The following FNDC3B variants were observed in gnomAD, a reference collection of about 807,000 sequenced individuals.
FNDC3B encodes the protein fibronectin type III domain-containing protein 3B.
In FNDC3B, 12 loss-of-function variants were observed where a neutral mutation model predicts 151.5. The ratio of observed to expected loss-of-function variants is 0.08; its 90% CI spans 0.05 to 0.13. The LOEUF (loss-of-function observed/expected upper bound fraction) is 0.13, where lower values mean the gene tolerates loss of function less well. FNDC3B is among the 10% of genes least tolerant of loss of function. The pLI is 1.00. For synonymous variants in FNDC3B, 528 were observed against 549.0 expected, an observed-to-expected ratio of 0.96 and a Z score of 0.54; for missense variants, 1,214 against 1,505.3, an observed-to-expected ratio of 0.81 and a Z score of 3.20.
At chr3:172,303,539 G>C (rs1248982658) in intron 9 of FNDC3B, among the ~76,000 whole-genome samples, 1 of 152,096 alleles carries the variant, frequency 6.6e-6, no homozygotes, top group Non-Finnish European at 1.5e-5. Flanking sequence ...CATTTAGCCA[G>C]GATTTAAGCT....
Position 172,388,217 on chromosome 3 carries a change from C to G in FNDC3B, c.3303+7124C>G, listed in dbSNP as rs542381134. Among the ~76,000 whole-genome samples, 7 of 152,248 alleles carry G rather than the reference C, an allele frequency of 4.6e-5. No homozygotes were observed. In the South Asian group the frequency reaches 1.5e-3, roughly 32 times the overall value. On this transcript the variant is annotated intron_variant, in intron 25 of 25. Coordinates refer to ENST00000415807, the MANE Select transcript of FNDC3B (RefSeq NM_022763.4). ...CTCCAGCAGCCGAGTATGCACTGTT[C>G]TCGCCACCCTTCCCAAAAAGCTCCC...
chr3:172,107,687 C>T (rs1184570600), intron 1 of FNDC3B, among the ~76,000 whole-genome samples: 7 of 152,122 alleles, frequency 4.6e-5, no homozygotes, highest in Non-Finnish European at 7.3e-5. Flanking sequence ...TGCTCAGCTA[C>T]CTTCACAGCT....
chr3:172,081,293 C>A (rs958379011), intron 1 of FNDC3B, among the ~76,000 whole-genome samples: 65 of 152,196 alleles, frequency 4.3e-4, no homozygotes, highest in Non-Finnish European at 3.4e-4. Context: ...AGAAATGTAA[C>A]CTTGGTGTCG....
chr3:172,072,767 T>C (rs1373451827), intron 1 of FNDC3B, among the ~76,000 whole-genome samples: 1 of 152,198 alleles, frequency 6.6e-6, no homozygotes, highest in Non-Finnish European at 1.5e-5. Flanking sequence ...ATCTTTCTCC[T>C]ACAGCCTGAT....
chr3:172,359,387 G>C (rs938084265), intron 22 of FNDC3B, among the ~76,000 whole-genome samples: 2 of 152,088 alleles, frequency 1.3e-5, no homozygotes, highest in African/African-American at 4.8e-5. Context: ...GGATCACCTA[G>C]AATACAAGGT....
intron 11 of FNDC3B, among the ~76,000 whole-genome samples, chr3:172,323,687 G>A (rs908433457): frequency 2.0e-5 from 3 of 152,136 alleles, no homozygotes; most frequent in Non-Finnish European, 4.4e-5. Context: ...TACTCTCCAA[G>A]CTCCCTTCTC....
Position 172,161,622 on chromosome 3 carries a change from C to T in FNDC3B, c.187+28076C>T, listed in dbSNP as rs567793647. Among the ~76,000 whole-genome samples, 9 of 152,320 alleles carry T rather than the reference C, an allele frequency of 5.9e-5. No homozygotes were observed. The South Asian group carries it at 1.0e-3, about 18-fold the overall frequency. On this transcript the variant is annotated intron_variant, in intron 3 of 25. Transcript: ENST00000415807. ...TCACTGGACACATGCGTGTATTTAC[C>T]GAAGCCTGACAATGTCTGACACTGT...
intron 3 of FNDC3B, among the ~76,000 whole-genome samples, chr3:172,150,763 T>C (rs138856392): frequency 4.6e-5 from 7 of 152,256 alleles, no homozygotes; most frequent in Non-Finnish European, 7.4e-5. Flanking sequence ...AGTAAGTGTA[T>C]ATATTTATGG....
chr3:172,064,543 G>T (rs546206309), intron 1 of FNDC3B, among the ~76,000 whole-genome samples: 2 of 152,270 alleles, frequency 1.3e-5, no homozygotes, highest in East Asian at 3.9e-4. Flanking sequence ...TTTTCAGGTT[G>T]TTCAGTTTTA....
intron 3 of FNDC3B, among the ~76,000 whole-genome samples, chr3:172,180,052 TTTCTC>T (rs929565877): frequency 2.6e-5 from 4 of 152,124 alleles, no homozygotes; most frequent in African/African-American, 9.7e-5. Context: ...CATACAAACA[TTTCTC>T]TTCTTCTCTT....
At chr3:172,148,406 C>G (rs1722027364) in intron 3 of FNDC3B, 1 of 152,032 alleles carries the variant, frequency 6.6e-6, no homozygotes, top group Non-Finnish European at 1.5e-5. Flanking sequence ...TGGAAGTTGG[C>G]TTCATTTTGT....
At chr3:172,123,682 T>G (rs1190415102) in intron 2 of FNDC3B, among the ~76,000 whole-genome samples, 2 of 152,184 alleles carry the variant, frequency 1.3e-5, no homozygotes, top group Non-Finnish European at 2.9e-5. Context: ...ATGGATCTGT[T>G]TAGAACCCAT....
At chr3:172,170,632 G>A (rs1007833095) in intron 3 of FNDC3B, among the ~76,000 whole-genome samples, 2 of 152,166 alleles carry the variant, frequency 1.3e-5, no homozygotes, top group Admixed American at 6.5e-5. Context: ...TATGAAAGAG[G>A]CAAGCTACAA....
chr3:172,392,452 A>G (rs927718126), intron 25 of FNDC3B, among the ~76,000 whole-genome samples: 1 of 152,224 alleles, frequency 6.6e-6, no homozygotes, highest in Middle Eastern at 3.2e-3. Context: ...AAAATGAGGG[A>G]GGAATCTCTT....
At chr3:172,386,213 A>T (rs1378903329) in intron 25 of FNDC3B, among the ~76,000 whole-genome samples, 1 of 152,220 alleles carries the variant, frequency 6.6e-6, no homozygotes. Context: ...TTGTGTCTAT[A>T]TGCATGTGAC....
At chr3:172,074,639 A>G (rs773685570) in intron 1 of FNDC3B, among the ~76,000 whole-genome samples, 1 of 152,178 alleles carries the variant, frequency 6.6e-6, no homozygotes, top group Non-Finnish European at 1.5e-5. Context: ...ATTTTATAGC[A>G]TGGGTTATAC....
At chr3:172,370,914 G>A (rs1259439083) in intron 23 of FNDC3B, among the ~76,000 whole-genome samples, 1 of 152,102 alleles carries the variant, frequency 6.6e-6, no homozygotes, top group African/African-American at 2.4e-5. Flanking sequence ...CCACCACAGT[G>A]GGACATTTGT....
intron 11 of FNDC3B, among the ~76,000 whole-genome samples, chr3:172,317,791 A>T (rs774349002): frequency 2.0e-5 from 3 of 152,248 alleles, no homozygotes; most frequent in African/African-American, 2.4e-5. Flanking sequence ...TTCTGTCAGG[A>T]ACTTAAACAA....
chr3:172,278,825 G>T (rs1729561577), intron 6 of FNDC3B, among the ~76,000 whole-genome samples: 1 of 152,094 alleles, frequency 6.6e-6, no homozygotes, highest in South Asian at 2.1e-4. Flanking sequence ...TACTCAGGGG[G>T]CTGAGGCAGA....
Sources: gnomAD v4.1 joint callset for allele counts (sites outside exome capture counted in the v4.1 genomes callset) on GRCh38, gnomAD v4.1.1 for gene constraint, MANE v1.5 for transcripts, NCBI Gene and HGNC (gene_info 2026-07-23, HGNC 2026-07-21) for gene names.